The following SGCZ variants were observed in gnomAD, a reference collection of about 807,000 sequenced individuals.
The protein encoded by SGCZ is zeta-sarcoglycan.
SGCZ carries 40 observed loss-of-function variants against 41.3 expected under a neutral mutation model. That is an observed-to-expected ratio of 0.97 (90% CI 0.75 to 1.26). The LOEUF (loss-of-function observed/expected upper bound fraction) is 1.26, where lower values mean the gene tolerates loss of function less well. Ranked by LOEUF, SGCZ falls within the 50% of genes most tolerant of loss-of-function variation. The pLI is 0.00. For missense variants in SGCZ, 552 were observed against 369.8 expected (o/e 1.49, Z -4.04); for synonymous variants, 206 against 137.5 (o/e 1.50, Z -3.49).
chr8:14,559,360 A>T (rs1804138004), intron 1 of SGCZ, among the ~76,000 whole-genome samples: 1 of 152,170 alleles, frequency 6.6e-6, no homozygotes, highest in Non-Finnish European at 1.5e-5. Flanking sequence ...AATCAAATCA[A>T]GAACTCGACC....
intron 3 of SGCZ, among the ~76,000 whole-genome samples, chr8:14,284,582 G>T (rs905486914): frequency 3.9e-5 from 6 of 152,016 alleles, no homozygotes; most frequent in African/African-American, 1.4e-4. Context: ...TCTTCTAATT[G>T]GAGCTTTAAT....
chr8:14,953,716 A>G (rs1800714572), intron 1 of SGCZ, among the ~76,000 whole-genome samples: 1 of 152,174 alleles, frequency 6.6e-6, no homozygotes, highest in Non-Finnish European at 1.5e-5. Context: ...AAAACGGGAA[A>G]ATAATGACGC....
chr8:14,868,968 G>T lies in SGCZ; in HGVS notation c.40-314042C>A, dbSNP rs187503612. Among the ~76,000 whole-genome samples, 608 of 152,066 alleles carry T rather than the reference G, an allele frequency of 4.0e-3. 3 individuals are homozygous for T. The highest frequency in any genetic ancestry group is 0.018 in the South Asian group (87 of 4,828). ...ATTAATAACTTACCAACCAAAAAAAGCCCAGGACCAGACAGATTCACAGCC... is the reference window on the plus strand; with the variant it reads ...ATTAATAACTTACCAACCAAAAAAATCCCAGGACCAGACAGATTCACAGCC... On this transcript the variant is annotated intron_variant, in intron 1 of 7. Transcript: ENST00000382080.
intron 2 of SGCZ, among the ~76,000 whole-genome samples, chr8:14,448,708 T>C (rs970764588): frequency 1.3e-5 from 2 of 152,016 alleles, no homozygotes; most frequent in Non-Finnish European, 2.9e-5. Context: ...GTATGTTAGG[T>C]GCTGTTCCCA....
At chr8:14,268,291 C>CAT (rs1004667031) in intron 3 of SGCZ, among the ~76,000 whole-genome samples, 5 of 149,226 alleles carry the variant, frequency 3.4e-5, no homozygotes, top group Non-Finnish European at 5.9e-5. Flanking sequence ...GATACATATA[C>CAT]ATATATATAT....
chr8:14,181,126 C>T (rs1804711441), intron 4 of SGCZ, among the ~76,000 whole-genome samples: 1 of 152,102 alleles, frequency 6.6e-6, no homozygotes, highest in Non-Finnish European at 1.5e-5. Flanking sequence ...CCTAATAGGG[C>T]CAACGGGAGA....
chr8:14,383,284 TAA>T (rs897482633), intron 2 of SGCZ, among the ~76,000 whole-genome samples: 9 of 152,238 alleles, frequency 5.9e-5, no homozygotes, highest in South Asian at 2.1e-4. Flanking sequence ...GAAATACTGA[TAA>T]GAGACATTTT....
intron 1 of SGCZ, among the ~76,000 whole-genome samples, chr8:14,802,645 A>G (rs572635637): frequency 4.4e-4 from 67 of 152,318 alleles, no homozygotes; most frequent in Non-Finnish European, 9.3e-4. Context: ...ATATATATAT[A>G]TTTTCCAAAA....
chr8:15,202,234 C>T (rs1377591642), intron 1 of SGCZ, among the ~76,000 whole-genome samples: 3 of 152,154 alleles, frequency 2.0e-5, no homozygotes, highest in Admixed American at 6.5e-5. Flanking sequence ...AGAAATCTTT[C>T]TGTAGAGGCC....
chr8:15,090,397 A>C (rs967891559), intron 1 of SGCZ, among the ~76,000 whole-genome samples: 2 of 152,228 alleles, frequency 1.3e-5, no homozygotes, highest in African/African-American at 2.4e-5. Flanking sequence ...TTTCAGCTTC[A>C]TGCTGATATC....
rs1341057705 is a variant in SGCZ at position 14,087,607 on chromosome 8, T to C, written c.*2836A>G. On this transcript the variant is annotated 3_prime_UTR_variant, in exon 8 of 8. Coordinates refer to ENST00000382080, the MANE Select transcript of SGCZ (RefSeq NM_139167.4). ...TCAGTGTCATTTGGGGAAGATGAAA[T>C]TTATATAAGTAAACTGCATTTTATT... Among the ~76,000 whole-genome samples the C allele has an allele frequency of 6.6e-6, 1 of 151,620 alleles. No individual in the cohort carries two copies. Among genetic ancestry groups the C allele is most frequent in the Non-Finnish European group, 1.5e-5 (1 of 67,734 alleles).
chr8:14,238,300 T>C (rs4831561), intron 3 of SGCZ, among the ~76,000 whole-genome samples: 151,616 of 152,328 alleles, frequency 1, 75,458 homozygotes, highest in East Asian at 1. Flanking sequence ...AGTTACGTCA[T>C]TATTACTAAG....
chr8:14,400,236 T>TAGCAGATTTTATTTATCC (rs1158219156), intron 2 of SGCZ, among the ~76,000 whole-genome samples: 1 of 152,156 alleles, frequency 6.6e-6, no homozygotes. Context: ...ATTATTTATA[T>TAGCAGATTTTATTTATCC]AGCAGATTTT....
chr8:14,180,674 C>T (rs1585206813), intron 4 of SGCZ, among the ~76,000 whole-genome samples: 1 of 152,068 alleles, frequency 6.6e-6, no homozygotes, highest in African/African-American at 2.4e-5. Context: ...CACCTACTAC[C>T]ACACATGGCA....
At chr8:14,801,551 G>T in intron 1 of SGCZ, among the ~76,000 whole-genome samples, 1 of 152,104 alleles carries the variant, frequency 6.6e-6, no homozygotes, top group Non-Finnish European at 1.5e-5. Context: ...TACTTCCAGG[G>T]AAAGAACAGA....
At chr8:14,883,773 G>GTT (rs1168120518) in intron 1 of SGCZ, among the ~76,000 whole-genome samples, 5 of 103,470 alleles carry the variant, frequency 4.8e-5, no homozygotes, top group African/African-American at 1.2e-4. Flanking sequence ...CTGGCATCCT[G>GTT]TTGTTTTTTT....
intron 2 of SGCZ, among the ~76,000 whole-genome samples, chr8:14,336,273 G>C (rs1308430663): frequency 6.6e-6 from 1 of 152,152 alleles, no homozygotes; most frequent in Non-Finnish European, 1.5e-5. Flanking sequence ...TGGCTACATA[G>C]TATTCCATAG....
intron 1 of SGCZ, among the ~76,000 whole-genome samples, chr8:15,044,231 T>G (rs1160752590): frequency 6.6e-6 from 1 of 152,174 alleles, no homozygotes; most frequent in Non-Finnish European, 1.5e-5. Flanking sequence ...ACTTCAAATT[T>G]GCTTGCCACA....
intron 1 of SGCZ, among the ~76,000 whole-genome samples, chr8:14,734,006 G>A (rs942726100): frequency 1.1e-4 from 16 of 152,190 alleles, no homozygotes; most frequent in Admixed American, 8.5e-4. Flanking sequence ...AGTTAATGGA[G>A]AAGCTGAACT....
Sources: allele counts gnomAD v4.1 joint callset (sites outside exome capture counted in the v4.1 genomes callset), GRCh38; gene constraint gnomAD v4.1.1; transcripts MANE v1.5; gene names NCBI Gene and HGNC (gene_info 2026-07-23, HGNC 2026-07-21).